CNTNAP2: variants seen among roughly 807,000 people sequenced by gnomAD.
CNTNAP2 encodes the protein contactin associated protein 2.
In CNTNAP2, 98 loss-of-function variants were observed where a neutral mutation model predicts 155.2. The ratio of observed to expected loss-of-function variants is 0.63; its 90% confidence interval spans 0.54 to 0.75. The LOEUF (loss-of-function observed/expected upper bound fraction) is 0.75. CNTNAP2 is among the 30% of genes least tolerant of loss of function. The probability of loss-of-function intolerance (pLI) is 0.00; values close to 1 mark genes in which losing one functional copy is unlikely to be tolerated. For missense variants in CNTNAP2, 1,727 were observed against 1,688.1 expected (o/e 1.02, Z -0.40); for synonymous variants, 651 against 631.2 (o/e 1.03, Z -0.47).
chr7:146,978,315 G>T (rs1263036914), intron 3 of CNTNAP2, among the ~76,000 whole-genome samples: 1 of 152,128 alleles, frequency 6.6e-6, no homozygotes, highest in East Asian at 1.9e-4. Context: ...ATGGCCACTT[G>T]ACCCGGTCTT....
At chr7:146,225,811 G>T (rs189635707) in intron 1 of CNTNAP2, among the ~76,000 whole-genome samples, 1 of 152,120 alleles carries the variant, frequency 6.6e-6, no homozygotes, top group African/African-American at 2.4e-5. Context: ...TGTTATGCTG[G>T]TATTTTTAAG....
chr7:146,864,052 G>C (rs1321709091), intron 3 of CNTNAP2, among the ~76,000 whole-genome samples: 3 of 151,794 alleles, frequency 2.0e-5, no homozygotes, highest in African/African-American at 7.3e-5. Context: ...GCCATTATTT[G>C]ACATTTTAAA....
chr7:146,636,991 C>G (rs966228426), intron 1 of CNTNAP2, among the ~76,000 whole-genome samples: 1 of 152,146 alleles, frequency 6.6e-6, no homozygotes, highest in East Asian at 1.9e-4. Flanking sequence ...ATATAAATTG[C>G]GTATCTCTAA....
chr7:146,534,215 C>G lies in CNTNAP2; in HGVS notation c.98-240056C>G, dbSNP rs73741735. Reference sequence around the variant, plus strand: ...GAGAGTAAAAATATAGAATTCAAGCCTACAAATAAAATTGAACTTGATTTT... The same window carrying G: ...GAGAGTAAAAATATAGAATTCAAGCGTACAAATAAAATTGAACTTGATTTT... On this transcript the variant is annotated intron_variant, in intron 1 of 23. Coordinates refer to ENST00000361727, the MANE Select transcript of CNTNAP2 (RefSeq NM_014141.6). 8.7e-3 allele frequency among the ~76,000 whole-genome samples: 1,328 copies of G among 152,180 alleles called. 17 individuals are homozygous for G. The highest frequency in any genetic ancestry group is 0.065 in the Middle Eastern group (19 of 294).
chr7:146,118,005 T>C (rs1359446507), intron 1 of CNTNAP2, among the ~76,000 whole-genome samples: 2 of 152,226 alleles, frequency 1.3e-5, no homozygotes, highest in Non-Finnish European at 2.9e-5. Context: ...AAAGAAAAGT[T>C]TAATATTTTC....
At chr7:147,617,297 G>A (rs529828856) in intron 12 of CNTNAP2, among the ~76,000 whole-genome samples, 1 of 152,116 alleles carries the variant, frequency 6.6e-6, no homozygotes, top group South Asian at 2.1e-4. Flanking sequence ...CTATTTTGTA[G>A]TCTTAAGCTT....
At chr7:146,469,997 G>A (rs1004776370) in intron 1 of CNTNAP2, among the ~76,000 whole-genome samples, 6 of 151,222 alleles carry the variant, frequency 4.0e-5, no homozygotes, top group Admixed American at 2.6e-4. Flanking sequence ...CCACCACCAC[G>A]CCCGGCTAAT....
intron 8 of CNTNAP2, among the ~76,000 whole-genome samples, chr7:147,207,832 A>G (rs558906117): frequency 5.3e-5 from 8 of 152,256 alleles, no homozygotes; most frequent in African/African-American, 1.9e-4. Context: ...TATTCTAAAG[A>G]TCTCATTCAC....
At chr7:147,027,863 T>C (rs113448027) in intron 3 of CNTNAP2, among the ~76,000 whole-genome samples, 62 of 152,314 alleles carry the variant, frequency 4.1e-4, no homozygotes, top group South Asian at 8.3e-4. Flanking sequence ...ACTAGGAGGA[T>C]GGCAGCATCA....
chr7:147,223,295 A>T (rs545731219), intron 8 of CNTNAP2, among the ~76,000 whole-genome samples: 82 of 152,246 alleles, frequency 5.4e-4, no homozygotes, highest in African/African-American at 2.0e-3. Flanking sequence ...GGGTGCACAA[A>T]TCTATAGTGA....
intron 13 of CNTNAP2, among the ~76,000 whole-genome samples, chr7:147,698,317 T>C (rs1294371067): frequency 6.6e-6 from 1 of 152,190 alleles, no homozygotes; most frequent in Non-Finnish European, 1.5e-5. Flanking sequence ...GGTTTGCAAA[T>C]TTCCTGAAAA....
chr7:147,742,361 A>T (rs1420461357), intron 13 of CNTNAP2, among the ~76,000 whole-genome samples: 3 of 152,194 alleles, frequency 2.0e-5, no homozygotes, highest in Non-Finnish European at 4.4e-5. Flanking sequence ...CTTTTATTAT[A>T]ATAGCCAAGT....
intron 12 of CNTNAP2, among the ~76,000 whole-genome samples, chr7:147,607,801 C>G (rs912302306): frequency 1.3e-5 from 2 of 152,122 alleles, no homozygotes; most frequent in African/African-American, 4.8e-5. Flanking sequence ...TAAGTTTAAA[C>G]TAACTGCTAA....
intron 1 of CNTNAP2, among the ~76,000 whole-genome samples, chr7:146,486,925 C>T (rs1797067229): frequency 6.6e-6 from 1 of 152,136 alleles, no homozygotes; most frequent in Admixed American, 6.5e-5. Context: ...GCATCTTTTC[C>T]AGCTGTACTG....
chr7:146,901,236 C>T (rs549920770), intron 3 of CNTNAP2, among the ~76,000 whole-genome samples: 232 of 152,084 alleles, frequency 1.5e-3, no homozygotes, highest in Middle Eastern at 6.8e-3. Context: ...TTAATTCACC[C>T]GAGCCTCAAC....
intron 3 of CNTNAP2, among the ~76,000 whole-genome samples, chr7:146,985,828 C>A (rs1323991627): frequency 6.6e-6 from 1 of 152,018 alleles, no homozygotes; most frequent in Non-Finnish European, 1.5e-5. Context: ...TAAACAATGC[C>A]ATTGGCCAAC....
In CNTNAP2 at chr7:146,665,800, A is replaced by AAAAAAAAAAAAAAAAAAAAC. The variant is rs1563179456; in HGVS notation, c.98-108471_98-108470insAAAAAAAAAAAAAAAAAAAC. 1.2e-4 allele frequency among the ~76,000 whole-genome samples: 18 copies of AAAAAAAAAAAAAAAAAAAAC among 144,792 alleles called. 1 individual carries two copies. Among genetic ancestry groups the AAAAAAAAAAAAAAAAAAAAC allele is most frequent in the African/African-American group, 4.8e-4 (18 of 37,402 alleles). 95.0% of individuals were successfully genotyped at this position (144,792 alleles called of 152,430 possible). On this transcript the variant is annotated intron_variant, in intron 1 of 23. Coordinates refer to ENST00000361727, the MANE Select transcript of CNTNAP2 (RefSeq NM_014141.6). Reference sequence around the variant, plus strand: ...TGTCTCATTAAAAAAAAAAAAAAATACATTTTGTAACTGATTTCTATTTTT... The same window carrying AAAAAAAAAAAAAAAAAAAAC: ...TGTCTCATTAAAAAAAAAAAAAAATAAAAAAAAAAAAAAAAAAAACCATTTTGTAACTGATTTCTATTTTT...
chr7:147,251,525 C>T (rs765524682), intron 8 of CNTNAP2, among the ~76,000 whole-genome samples: 14 of 152,188 alleles, frequency 9.2e-5, no homozygotes, highest in Non-Finnish European at 8.8e-5. Context: ...GCCTATGGCT[C>T]TGCCAAGTGA....
intron 13 of CNTNAP2, among the ~76,000 whole-genome samples, chr7:147,653,380 G>A (rs1341678025): frequency 6.6e-6 from 1 of 152,080 alleles, no homozygotes; most frequent in Non-Finnish European, 1.5e-5. Context: ...CTGTTAAAAC[G>A]AGAAAGATCA....
Sources: allele counts gnomAD v4.1 joint callset (sites outside exome capture counted in the v4.1 genomes callset), GRCh38; gene constraint gnomAD v4.1.1; transcripts MANE v1.5; gene names NCBI Gene and HGNC (gene_info 2026-07-23, HGNC 2026-07-21).